COL6A5: variants seen among roughly 807,000 people sequenced by gnomAD.
The protein encoded by COL6A5 is collagen type VI alpha 5 chain.
In COL6A5, 48 loss-of-function variants were observed where a neutral mutation model predicts 65.6. That is an observed-to-expected ratio of 0.73 (90% CI 0.58 to 0.93). The LOEUF (loss-of-function observed/expected upper bound fraction) is 0.93. Among genes scored for constraint, COL6A5 ranks in the 40% least tolerant of loss-of-function variants. COL6A5 has a pLI of 0.00. For missense variants in COL6A5, 914 were observed against 928.3 expected (o/e 0.98, Z 0.20); for synonymous variants, 291 against 322.8 (o/e 0.90, Z 1.05).
chr3:130,388,492 C>T, intron 5 of COL6A5, 88 bp from the exon 6 acceptor site: 1 of 1,052,932 alleles, frequency 9.5e-7, no homozygotes, highest in Non-Finnish European at 1.3e-6. Context: ...AATGTTTTCT[C>T]ATTAATGCAT....
At chr3:130,466,492 G>A (rs1238201392) in intron 5 of COL6A5, among the ~76,000 whole-genome samples, 1 of 151,878 alleles carries the variant, frequency 6.6e-6, no homozygotes, top group Non-Finnish European at 1.5e-5. Flanking sequence ...AAAATAAATA[G>A]CATTAAATGC....
chr3:130,436,327 A>G lies in COL6A5; in HGVS notation c.488-3195A>G, dbSNP rs1455290722. ...TGCTGGCAGAGACCCTCTGTCTACT[A>G]TAGATGGATTTTTTTCCTTCTCTGC... On this transcript the variant is annotated intron_variant, in intron 1 of 7. Coordinates refer to ENST00000512836, the Ensembl canonical transcript of COL6A5. Among the ~76,000 whole-genome samples, 4 of 152,068 alleles carry G rather than the reference A, an allele frequency of 2.6e-5. No homozygotes were observed. The East Asian group carries it at 7.7e-4, about 29-fold the overall frequency.
At chr3:130,459,586 A>G (rs972381014) in intron 5 of COL6A5, among the ~76,000 whole-genome samples, 10 of 152,088 alleles carry the variant, frequency 6.6e-5, no homozygotes, top group Non-Finnish European at 1.3e-4. Context: ...ACAATGAATT[A>G]TCAAGTCACT....
intron 29 of COL6A5, among the ~76,000 whole-genome samples, chr3:130,425,485 T>C (rs762134892): frequency 6.6e-6 from 1 of 152,158 alleles, no homozygotes; most frequent in African/African-American, 2.4e-5. Flanking sequence ...GCAAATATAT[T>C]AAGAATCACA....
intron 1 of COL6A5, among the ~76,000 whole-genome samples, chr3:130,439,100 C>A (rs1239134829): frequency 6.6e-6 from 1 of 152,128 alleles, no homozygotes; most frequent in Non-Finnish European, 1.5e-5. Flanking sequence ...TGGGAACGTA[C>A]AATTTCTGCA....
At chr3:130,384,189 G>T (rs1936101296) in intron 4 of COL6A5, among the ~76,000 whole-genome samples, 1 of 151,966 alleles carries the variant, frequency 6.6e-6, no homozygotes, top group Middle Eastern at 3.2e-3. Context: ...CAAAGACCCA[G>T]GGACACGTTC....
At chr3:130,373,553 C>A in intron 1 of COL6A5, 58 bp from the exon 2 acceptor site, 1 of 772,336 alleles carries the variant, frequency 1.3e-6, no homozygotes, top group Non-Finnish European at 2.2e-6. Context: ...ACTATCCTGA[C>A]AGTTACTTAA....
At chr3:130,446,554 T>C (rs1274026979) in intron 4 of COL6A5, among the ~76,000 whole-genome samples, 1 of 152,146 alleles carries the variant, frequency 6.6e-6, no homozygotes, top group Non-Finnish European at 1.5e-5. Context: ...TCGGTCTCCA[T>C]TGCCATCAGG....
At chr3:130,464,001 A>AT (rs1709758272) in intron 5 of COL6A5, among the ~76,000 whole-genome samples, 1 of 152,002 alleles carries the variant, frequency 6.6e-6, no homozygotes, top group Admixed American at 6.6e-5. Context: ...AAGGATTGAG[A>AT]TTTTGCTTAT....
intron 6 of COL6A5, 73 bp downstream of exon 6, chr3:130,389,207 C>A: frequency 2.9e-6 from 3 of 1,048,474 alleles, no homozygotes; most frequent in Non-Finnish European, 3.8e-6. Context: ...CAGTGAATGG[C>A]ACTCTGGCCC....
At chr3:130,426,462 G>C in intron 31 of COL6A5, 59 bp downstream of exon 31, 1 of 1,493,036 alleles carries the variant, frequency 6.7e-7, no homozygotes, top group Non-Finnish European at 9.1e-7. Context: ...ACTTAGGACT[G>C]TATGCAGTGT....
chr3:130,475,566 C>T (rs1710073352), intron 7 of COL6A5, among the ~76,000 whole-genome samples: 1 of 151,930 alleles, frequency 6.6e-6, no homozygotes, highest in Non-Finnish European at 1.5e-5. Context: ...AAGGCATTCT[C>T]AGATGAAGGA....
chr3:130,439,499 C>A, intron 1 of COL6A5, 23 bp from the exon 34 acceptor site: 1 of 1,517,834 alleles, frequency 6.6e-7, no homozygotes, highest in Non-Finnish European at 8.9e-7. Context: ...AGCAAACATG[C>A]GTTCACTTCT....
intron 1 of COL6A5, among the ~76,000 whole-genome samples, chr3:130,437,205 ATGTACATATATACACTAAAG>A (rs1483287231): frequency 6.6e-6 from 1 of 152,136 alleles, no homozygotes; most frequent in African/African-American, 2.4e-5. Flanking sequence ...AAGTGCATAT[ATGTACATATATACACTAAAG>A]TGTACATATG....
At chr3:130,421,753 C>T (rs1937520950) in intron 27 of COL6A5, among the ~76,000 whole-genome samples, 1 of 152,046 alleles carries the variant, frequency 6.6e-6, no homozygotes, top group East Asian at 1.9e-4. Context: ...TGGGTTCCTC[C>T]TTCCATCTTT....
chr3:130,472,241 C>T (rs1000110166), intron 7 of COL6A5, among the ~76,000 whole-genome samples: 3 of 152,080 alleles, frequency 2.0e-5, no homozygotes, highest in Admixed American at 6.6e-5. Flanking sequence ...TGTGCAAAAT[C>T]GGGGTGAAGG....
At chr3:130,467,315 A>AGTTC (rs1709840373) in intron 5 of COL6A5, among the ~76,000 whole-genome samples, 1 of 152,000 alleles carries the variant, frequency 6.6e-6, no homozygotes. Context: ...ATTAGAAGGA[A>AGTTC]TAAGATCTAG....
At chr3:130,463,799 G>T (rs1456112937) in intron 5 of COL6A5, among the ~76,000 whole-genome samples, 1 of 152,060 alleles carries the variant, frequency 6.6e-6, no homozygotes, top group Admixed American at 6.6e-5. Context: ...GTCTCCCTAA[G>T]TAAGATGAAT....
exon 7 of COL6A5, chr3:130,391,657 A>G (rs1936406538): frequency 1.3e-6 from 2 of 1,551,694 alleles, no homozygotes; most frequent in East Asian, 2.4e-5. Context: ...AGGGTATGGC[A>G]GGGAATAAAA....
Sources: allele counts gnomAD v4.1 joint callset (sites outside exome capture counted in the v4.1 genomes callset), GRCh38; gene constraint gnomAD v4.1.1; transcripts MANE v1.5; gene names NCBI Gene and HGNC (gene_info 2026-07-23, HGNC 2026-07-21).